Variants in DOCK1 observed in about 807,000 individuals in gnomAD.
DOCK1 encodes the protein dedicator of cytokinesis protein 1.
A neutral mutation model predicts 262.7 loss-of-function variants in DOCK1; 138 were observed. That is an observed-to-expected ratio of 0.53 (90% CI 0.46 to 0.61). The LOEUF (loss-of-function observed/expected upper bound fraction) is 0.61. Among genes scored for constraint, DOCK1 ranks in the 20% least tolerant of loss-of-function variants. DOCK1 has a pLI of 0.00. For synonymous variants in DOCK1, 866 were observed against 867.4 expected (o/e 1.00, Z 0.03); for missense variants, 1,908 against 2,370.7 (o/e 0.80, Z 4.05).
chr10:127,000,137 T>A lies in DOCK1; in HGVS notation c.850-35T>A, dbSNP rs1269062316. On this transcript the variant is annotated intron_variant, in intron 9 of 51. Coordinates refer to ENST00000623213, the MANE Select transcript of DOCK1 (RefSeq NM_001290223.2). ...ATTGGAGCTTGCATTGAATAATGGG[T>A]CTCCAAAATAATTTATGGAAACTAA... 1.9e-6 allele frequency: 3 copies of A among 1,610,248 alleles called. No individual in the cohort carries two copies. In the South Asian group the frequency reaches 3.3e-5, roughly 18 times the overall value.
At chr10:127,181,396 ATGTCCG>A (rs1181936100) in intron 27 of DOCK1, among the ~76,000 whole-genome samples, 1 of 152,194 alleles carries the variant, frequency 6.6e-6, no homozygotes, top group Non-Finnish European at 1.5e-5. Flanking sequence ...CATTCTTAAA[ATGTCCG>A]TGCTGATTTG....
intron 29 of DOCK1, among the ~76,000 whole-genome samples, chr10:127,268,705 G>A (rs1311735907): frequency 1.3e-5 from 2 of 152,118 alleles, no homozygotes; most frequent in African/African-American, 2.4e-5. Context: ...GGGGGTGTCC[G>A]AGAATTGGAG....
chr10:126,968,155 G>A (rs957608466), intron 1 of DOCK1, among the ~76,000 whole-genome samples: 1 of 152,068 alleles, frequency 6.6e-6, no homozygotes, highest in African/African-American at 2.4e-5. Flanking sequence ...CATCACCCTC[G>A]CAGTGCCCCT....
rs1345926840 is a variant in DOCK1, at chr10:127,012,439, G to C, written c.1201+65G>C. Reference sequence around the variant, plus strand: ...GCATGCGTTGGGGCAGTGCTGTCTGGGTTGGTTTTAGTTTGATGTTGATCA... The same window carrying C: ...GCATGCGTTGGGGCAGTGCTGTCTGCGTTGGTTTTAGTTTGATGTTGATCA... On this transcript the variant is annotated intron_variant, in intron 12 of 51. Transcript: ENST00000623213. The surrounding 1 kb of genome is among the most constrained non-coding windows in gnomAD (Gnocchi z 4.0). 1.3e-6 allele frequency: 2 copies of C among 1,519,466 alleles called. No homozygotes were observed. Among genetic ancestry groups the C allele is most frequent in the Admixed American group, 3.5e-5 (2 of 57,828 alleles). The allele number at this position is 1,519,466 out of a possible 1,614,324, so 94.1% of individuals were successfully genotyped here. A position where few individuals can be genotyped will look rare whatever the true frequency, so the allele number is the denominator to read the frequency against.
At chr10:126,913,410 G>A (rs1295251941) in intron 1 of DOCK1, among the ~76,000 whole-genome samples, 1 of 152,194 alleles carries the variant, frequency 6.6e-6, no homozygotes, top group Non-Finnish European at 1.5e-5. Flanking sequence ...TGGTGACCCA[G>A]GGCTGTCCCA....
chr10:127,436,691 A>G (rs1290983858), intron 48 of DOCK1, among the ~76,000 whole-genome samples: 2 of 152,008 alleles, frequency 1.3e-5, no homozygotes, highest in Non-Finnish European at 2.9e-5. Flanking sequence ...ATCTATAGCT[A>G]TTTCACTATG....
At chr10:127,052,542 A>C in intron 21 of DOCK1, 139 bp from the exon 22 acceptor site, 1 of 1,186,936 alleles carries the variant, frequency 8.4e-7, no homozygotes, top group Non-Finnish European at 1.2e-6. Flanking sequence ...AAAAAAAAAG[A>C]GAAAACGTTT....
Position 127,052,789 on chromosome 10 carries a change from C to A in DOCK1, c.2310C>A (p.Ile770=), listed in dbSNP as rs1268220824. ...CGCTAGAATCCATCTTCAAGTTCATCGTGCGCTCCAGGATCCTGTTCAATC... is the reference window on the plus strand; with the variant it reads ...CGCTAGAATCCATCTTCAAGTTCATAGTGCGCTCCAGGATCCTGTTCAATC... The part of the protein sequence containing the change: ...MKALESIFKF[I]VRSRILFNQL... The change falls in exon 22 of 52, where the codon ATC becomes ATA. Residue 770 remains isoleucine (I), a synonymous_variant. Coordinates refer to ENST00000623213, the MANE Select transcript of DOCK1 (RefSeq NM_001290223.2). 1 of 1,613,728 alleles carries A rather than the reference C, an allele frequency of 6.2e-7. No individual in the cohort carries two copies. Among genetic ancestry groups the A allele is most frequent in the Admixed American group, 1.7e-5 (1 of 59,992 alleles).
At chr10:127,198,175 A>G (rs1326175477) in intron 27 of DOCK1, among the ~76,000 whole-genome samples, 1 of 152,206 alleles carries the variant, frequency 6.6e-6, no homozygotes, top group Admixed American at 6.5e-5. Flanking sequence ...TCTGCCTGGA[A>G]GGGGCCTGGG....
At chr10:127,228,978 A>G (rs1390173763) in intron 27 of DOCK1, among the ~76,000 whole-genome samples, 3 of 152,130 alleles carry the variant, frequency 2.0e-5, no homozygotes, top group Non-Finnish European at 2.9e-5. Flanking sequence ...CACACCTGTA[A>G]TCCCAGCACT....
chr10:127,258,034 A>G (rs979212881), intron 29 of DOCK1, among the ~76,000 whole-genome samples: 9 of 152,094 alleles, frequency 5.9e-5, no homozygotes, highest in Middle Eastern at 3.2e-3. Context: ...TCTCATTGCA[A>G]TTTTTATGGA....
intron 27 of DOCK1, among the ~76,000 whole-genome samples, chr10:127,165,965 G>T (rs1490721392): frequency 6.6e-6 from 1 of 152,214 alleles, no homozygotes; most frequent in Non-Finnish European, 1.5e-5. Context: ...TACCAGGCCT[G>T]GGAGGGTAGG....
chr10:127,151,678 A>T (rs2052498532), intron 27 of DOCK1, among the ~76,000 whole-genome samples: 1 of 152,184 alleles, frequency 6.6e-6, no homozygotes, highest in African/African-American at 2.4e-5. Flanking sequence ...ATGAGTAGTC[A>T]TGCATTTTCC....
intron 38 of DOCK1, among the ~76,000 whole-genome samples, chr10:127,386,883 G>A (rs1326170001): frequency 2.0e-5 from 3 of 152,188 alleles, no homozygotes; most frequent in Non-Finnish European, 4.4e-5. Context: ...GGAATGAGAA[G>A]CTTTGAGGAT....
rs1248036227 is a variant in DOCK1 at position 127,012,623 on chromosome 10, T to G, written c.1201+249T>G. On this transcript the variant is annotated intron_variant, in intron 12 of 51. Transcript: ENST00000623213. This position sits in a 1 kb window ranked among gnomAD's most constrained non-coding sequence, Gnocchi z 4.0. Reference sequence around the variant, plus strand: ...TGGAGAGTGGGGTCAGATTAGAAGTTTAGAGGAACATGCAGGCGGTAGGCG... The same window carrying G: ...TGGAGAGTGGGGTCAGATTAGAAGTGTAGAGGAACATGCAGGCGGTAGGCG... Among the ~76,000 whole-genome samples, 4 of 152,036 alleles carry G rather than the reference T, an allele frequency of 2.6e-5. No homozygotes were observed. Among genetic ancestry groups the G allele is most frequent in the African/African-American group, 7.2e-5 (3 of 41,394 alleles).
intron 27 of DOCK1, among the ~76,000 whole-genome samples, chr10:127,226,709 A>C (rs1425660409): frequency 6.6e-6 from 1 of 152,178 alleles, no homozygotes; most frequent in African/African-American, 2.4e-5. Flanking sequence ...GTGCTACTGC[A>C]TTCCAGCCTC....
At chr10:127,251,512 C>T (rs989743734) in intron 28 of DOCK1, among the ~76,000 whole-genome samples, 11 of 146,044 alleles carry the variant, frequency 7.5e-5, no homozygotes, top group African/African-American at 2.8e-4. Flanking sequence ...GGTATAACTC[C>T]TAATGCTATC....
chr10:127,120,157 C>T (rs1289120579), intron 25 of DOCK1, among the ~76,000 whole-genome samples: 2 of 152,194 alleles, frequency 1.3e-5, no homozygotes, highest in African/African-American at 4.8e-5. Context: ...ATTCTAGCTT[C>T]CTCGTAGGTC....
At chr10:127,006,773 G>A (rs2041060238) in intron 10 of DOCK1, among the ~76,000 whole-genome samples, 1 of 152,296 alleles carries the variant, frequency 6.6e-6, no homozygotes, top group East Asian at 1.9e-4. Flanking sequence ...CACTGGGGAT[G>A]TGGCAAGGGA....
Sources: allele counts gnomAD v4.1 joint callset (sites outside exome capture counted in the v4.1 genomes callset), GRCh38; gene constraint gnomAD v4.1.1; non-coding constraint Gnocchi (gnomAD v3.1); transcripts MANE v1.5; gene names NCBI Gene and HGNC (gene_info 2026-07-23, HGNC 2026-07-21).